MRC1: variants seen among roughly 807,000 people sequenced by gnomAD.
MRC1 encodes mannose receptor C-type 1.
MRC1 carries 62 observed loss-of-function variants against 102.9 expected under a neutral mutation model. That is an observed-to-expected ratio of 0.60 (90% CI 0.49 to 0.74). MRC1 has a LOEUF of 0.74. Among genes scored for constraint, MRC1 ranks in the 30% least tolerant of loss-of-function variants. MRC1 has a pLI of 0.00. For missense variants in MRC1, 1,237 were observed against 862.8 expected, an observed-to-expected ratio of 1.43 and a Z score of -5.43; for synonymous variants, 457 against 298.4, an observed-to-expected ratio of 1.53 and a Z score of -5.48.
chr10:17,909,157 G>T, intron 28 of MRC1, 149 bp from the exon 29 acceptor site: 1 of 657,034 alleles, frequency 1.5e-6, no homozygotes, highest in African/African-American at 1.8e-5. Context: ...TTTTCTACCT[G>T]TATTTTTATA....
At chr10:17,831,791 A>G (rs1375728460) in intron 3 of MRC1, among the ~76,000 whole-genome samples, 1 of 151,740 alleles carries the variant, frequency 6.6e-6, no homozygotes, top group Non-Finnish European at 1.5e-5. Flanking sequence ...GCATGCCAAA[A>G]TATTTCATTT....
At chr10:17,874,526 C>T (rs1833399879) in intron 16 of MRC1, among the ~76,000 whole-genome samples, 1 of 152,112 alleles carries the variant, frequency 6.6e-6, no homozygotes, top group Non-Finnish European at 1.5e-5. Flanking sequence ...AGCTAACATT[C>T]ATAGGTTCCA....
rs527276426 is a variant in MRC1, at chr10:17,867,759, G to A, written c.1983+998G>A. Among the ~76,000 whole-genome samples, 2,584 of 152,176 alleles carry A rather than the reference G, an allele frequency of 0.017. 116 individuals are homozygous for A. The East Asian group carries it at 0.19, about 11-fold the overall frequency. ...GATAGAAATTTCTGTTTCCTGTCAC[G>A]CTGTTGTATTCCAATTCATTTTTTT... On this transcript the variant is annotated intron_variant, in intron 12 of 29. Transcript: ENST00000569591.
chr10:17,891,855 T>C (rs538172497), intron 22 of MRC1, among the ~76,000 whole-genome samples: 1 of 152,264 alleles, frequency 6.6e-6, no homozygotes, highest in South Asian at 2.1e-4. Flanking sequence ...CCTGTTATCA[T>C]ACGGGAGCCC....
intron 6 of MRC1, among the ~76,000 whole-genome samples, chr10:17,849,303 T>TAAAA (rs71393044): frequency 5.9e-5 from 8 of 135,274 alleles, no homozygotes; most frequent in Non-Finnish European, 3.1e-5. Flanking sequence ...CCTTGTCTCT[T>TAAAA]AAAAAAAAAA....
chr10:17,809,567 C>T, intron 1 of MRC1, 41 bp downstream of exon 1: 1 of 869,604 alleles, frequency 1.1e-6, no homozygotes, highest in Non-Finnish European at 2.0e-6. Context: ...ACCTGGGGGG[C>T]CGGAACCACA....
chr10:17,851,554 C>T (rs1460903956), intron 7 of MRC1, among the ~76,000 whole-genome samples: 1 of 152,140 alleles, frequency 6.6e-6, no homozygotes, highest in Admixed American at 6.5e-5. Context: ...ATATATTTTT[C>T]TAGGATCAAG....
chr10:17,850,769 G>T (rs1312901375), intron 7 of MRC1, among the ~76,000 whole-genome samples: 1 of 152,084 alleles, frequency 6.6e-6, no homozygotes, highest in African/African-American at 2.4e-5. Context: ...GATTGGGGCT[G>T]GGGGAGGGGA....
chr10:17,903,415 A>C, intron 26 of MRC1, among the ~76,000 whole-genome samples: 1 of 24,142 alleles, frequency 4.1e-5, no homozygotes, highest in Non-Finnish European at 8.8e-5. Context: ...TTTTTTTTTG[A>C]GACAGAGTCT....
At chr10:17,834,820 TG>T (rs1838638347) in intron 4 of MRC1, among the ~76,000 whole-genome samples, 3 of 152,168 alleles carry the variant, frequency 2.0e-5, no homozygotes, top group Non-Finnish European at 2.9e-5. Context: ...AATATACACT[TG>T]GGGAAACAGA....
At chr10:17,831,874 T>A (rs1450933116) in intron 3 of MRC1, among the ~76,000 whole-genome samples, 1 of 151,626 alleles carries the variant, frequency 6.6e-6, no homozygotes, top group Non-Finnish European at 1.5e-5. Flanking sequence ...ATTGGCCGCT[T>A]ACAGAGTACA....
chr10:17,845,109 A>G (rs782637657), intron 5 of MRC1, 180 bp from the exon 6 acceptor site: 14 of 778,014 alleles, frequency 1.8e-5, no homozygotes, highest in Middle Eastern at 4.9e-4. Context: ...TAAGAAAACA[A>G]TAGACACCCA....
intron 4 of MRC1, among the ~76,000 whole-genome samples, chr10:17,839,059 A>G (rs1589171460): frequency 6.6e-6 from 1 of 151,968 alleles, no homozygotes; most frequent in East Asian, 1.9e-4. Context: ...AGCTATTGAT[A>G]ATAATAATAA....
chr10:17,864,060 T>G (rs1260743157), intron 11 of MRC1, among the ~76,000 whole-genome samples: 1 of 152,170 alleles, frequency 6.6e-6, no homozygotes, highest in Non-Finnish European at 1.5e-5. Context: ...TGGAGTGCAG[T>G]GGCGCCATCT....
chr10:17,851,745 G>A (rs1838920686), intron 7 of MRC1, among the ~76,000 whole-genome samples: 2 of 152,228 alleles, frequency 1.3e-5, no homozygotes. Context: ...ATCACGATCT[G>A]CAAATCAAGT....
intron 6 of MRC1, among the ~76,000 whole-genome samples, chr10:17,845,941 A>C (rs1465634256): frequency 1.3e-5 from 2 of 152,214 alleles, no homozygotes; most frequent in Non-Finnish European, 2.9e-5. Context: ...ACAGAGTCTC[A>C]TTCTGTCACC....
At chr10:17,898,008 C>T in intron 23 of MRC1, 26 bp from the exon 24 acceptor site, 2 of 780,732 alleles carry the variant, frequency 2.6e-6, no homozygotes, top group South Asian at 1.3e-5. Context: ...ATTGATAATG[C>T]TAATGAAAAT....
At chr10:17,886,306 TCC>T (rs1833592725) in intron 22 of MRC1, among the ~76,000 whole-genome samples, 9 of 151,062 alleles carry the variant, frequency 6.0e-5, no homozygotes, top group African/African-American at 2.2e-4. Context: ...CTTCCTTCCT[TCC>T]TTCCTTCCCT....
chr10:17,864,741 A>G (rs920882993), intron 11 of MRC1, among the ~76,000 whole-genome samples: 1 of 150,282 alleles, frequency 6.7e-6, no homozygotes, highest in Non-Finnish European at 1.5e-5. Flanking sequence ...AGGCAGGAGA[A>G]TTGCTTGAAC....
Sources: gnomAD v4.1 joint callset for allele counts (sites outside exome capture counted in the v4.1 genomes callset) on GRCh38, gnomAD v4.1.1 for gene constraint, MANE v1.5 for transcripts, NCBI Gene and HGNC (gene_info 2026-07-23, HGNC 2026-07-21) for gene names.